Variants in ADGRB1 observed in about 807,000 individuals in gnomAD.
ADGRB1 encodes the protein adhesion G protein-coupled receptor B1.
A neutral mutation model predicts 175.7 loss-of-function variants in ADGRB1; 36 were observed. The observed-to-expected ratio is 0.20, with a 90% CI of 0.16 to 0.27. The LOEUF is 0.27. Among genes scored for constraint, ADGRB1 ranks in the 10% least tolerant of loss-of-function variants. ADGRB1 has a pLI of 1.00. For synonymous variants in ADGRB1, 1,054 were observed against 979.4 expected (o/e 1.08, Z -1.42); for missense variants, 1,731 against 2,255.3 (o/e 0.77, Z 4.71).
Position 142,476,713 on chromosome 8 carries a change from G to A in ADGRB1, c.1057+18G>A. On this transcript the variant is annotated intron_variant, in intron 4 of 30. Transcript: ENST00000517894. ...CCAGACCGGTGAGCTGGCGGGAGGG[G>A]GGTGGGTGGGACTAGGGCTTTGGGA... is the stretch of plus-strand genomic sequence containing the variant. 1 of 1,538,268 alleles carries A rather than the reference G, an allele frequency of 6.5e-7. No homozygotes were observed. Among genetic ancestry groups the A allele is most frequent in the Non-Finnish European group, 8.8e-7 (1 of 1,139,564 alleles).
In ADGRB1 at chr8:142,481,680, C is replaced by G. The variant is rs762095707; in HGVS notation, c.2099C>G (p.Ala700Gly). The stretch of plus-strand genomic sequence containing the variant: ...AACATGACAGAGATTTTCCGGAGAG[C>G]GTACTACAGCCCCACCCCTGGGGAC... ...LRNMTEIFRR[A>G]YYSPTPGDVQ... Residue 700 changes from alanine (A) to glycine (G), a missense_variant, in exon 11 of 31, where the codon GCG (alanine) becomes GGG (glycine). By Grantham distance (60) the Ala-to-Gly change is moderately conservative. This residue lies in a region of ADGRB1 where 388 missense variants were observed against 630.9 expected (regional missense o/e 0.61). Transcript: ENST00000517894. 6.3e-7 allele frequency: 1 copy of G among 1,596,714 alleles called. No individual in the cohort carries two copies. The highest frequency in any genetic ancestry group is 8.6e-7 in the Non-Finnish European group (1 of 1,169,386).
Position 142,537,051 on chromosome 8 carries a change from G to C in ADGRB1, c.3635G>C (p.Gly1212Ala), listed in dbSNP as rs767787622. Reference protein sequence around the residue: ...RQEEGNGDSGGSFQNGHAQLM... With the variant: ...RQEEGNGDSGASFQNGHAQLM... ...GAGGAGGGCAACGGGGACTCAGGGG[G>C]CTCCTTCCAGAACGGCCACGCCCAG... is the stretch of plus-strand genomic sequence containing the variant. The change falls in exon 26 of 31, where the codon GGC (glycine) becomes GCC (alanine). Residue 1212 changes from glycine to alanine, a missense_variant. Physicochemically the swap from Gly to Ala is moderately conservative, Grantham distance 60 (BLOSUM62 0). Coordinates refer to ENST00000517894, the MANE Select transcript of ADGRB1 (RefSeq NM_001702.3). This position sits in a 1 kb window ranked among gnomAD's most constrained non-coding sequence, Gnocchi z 4.6. 6.3e-6 allele frequency: 10 copies of C among 1,579,996 alleles called. No homozygotes were observed. The highest frequency in any genetic ancestry group is 8.6e-6 in the Non-Finnish European group (10 of 1,163,508).
chr8:142,538,131 C>T (rs1370633354), intron 26 of ADGRB1, among the ~76,000 whole-genome samples: 7 of 152,206 alleles, frequency 4.6e-5, no homozygotes, highest in Non-Finnish European at 2.9e-5. Context: ...TGCGCACTCC[C>T]GTGGGTCCCC....
intron 3 of ADGRB1, 63 bp downstream of exon 3, chr8:142,475,698 G>GC: frequency 5.0e-6 from 6 of 1,198,422 alleles, no homozygotes; most frequent in Non-Finnish European, 6.2e-6. Flanking sequence ...TGAGGGAGGA[G>GC]AGGGGGGTGG....
At chr8:142,463,603 CG>C (rs1840083729) in intron 1 of ADGRB1, among the ~76,000 whole-genome samples, 2 of 152,258 alleles carry the variant, frequency 1.3e-5, no homozygotes, top group Admixed American at 1.3e-4. Context: ...GGGGCAGCCA[CG>C]CAGAGCGTGG....
chr8:142,535,438 C>T (rs934658231), intron 25 of ADGRB1, among the ~76,000 whole-genome samples: 2 of 152,210 alleles, frequency 1.3e-5, no homozygotes, highest in African/African-American at 4.8e-5. Context: ...TGTGTGTGGG[C>T]TCCGTGCTGC....
intron 17 of ADGRB1, among the ~76,000 whole-genome samples, chr8:142,503,150 C>T (rs1026519805): frequency 6.6e-6 from 1 of 151,602 alleles, no homozygotes; most frequent in Admixed American, 6.6e-5. Context: ...GCCCAAGCCC[C>T]CTGAGGGAAG....
At chr8:142,527,998 A>G (rs1007380732) in intron 24 of ADGRB1, among the ~76,000 whole-genome samples, 2 of 152,208 alleles carry the variant, frequency 1.3e-5, no homozygotes, top group African/African-American at 4.8e-5. Context: ...CAGCTGCGTT[A>G]GGTGCACACA....
chr8:142,544,115 C>T, intron 30 of ADGRB1, 105 bp from the exon 31 acceptor site: 1 of 1,250,902 alleles, frequency 8.0e-7, no homozygotes. Flanking sequence ...CCCCCACCTC[C>T]CGTCCCTTCC....
chr8:142,539,504 C>A lies in ADGRB1; in HGVS notation c.3706+91C>A. 3 of 1,463,544 alleles carry A rather than the reference C, an allele frequency of 2.0e-6. No individual in the cohort carries two copies. The South Asian group carries it at 3.7e-5, about 18-fold the overall frequency. 90.7% of individuals were successfully genotyped at this position (1,463,544 alleles called of 1,614,324 possible). On this transcript the variant is annotated intron_variant, in intron 27 of 30. Transcript: ENST00000517894. ...CCGCCTGTGCCTCCCCCACATCACC[C>A]ATCCCTGTCCACTCCTGCTGCCCCC... is the stretch of plus-strand genomic sequence containing the variant.
intron 17 of ADGRB1, among the ~76,000 whole-genome samples, chr8:142,494,092 C>T (rs1023279099): frequency 1.3e-5 from 2 of 152,186 alleles, no homozygotes; most frequent in East Asian, 1.9e-4. Context: ...TGGTTTGTGG[C>T]GGGAGGGGAG....
chr8:142,467,183 G>T (rs1048318304), intron 2 of ADGRB1, among the ~76,000 whole-genome samples: 3 of 152,244 alleles, frequency 2.0e-5, no homozygotes, highest in African/African-American at 7.2e-5. Context: ...GTGTAAGGTG[G>T]TCGGGCCTCC....
Position 142,506,001 on chromosome 8 carries a change from G to C in ADGRB1, c.2676-4931G>C, listed in dbSNP as rs372278068. Among the ~76,000 whole-genome samples the C allele has an allele frequency of 1.4e-4, 22 of 152,316 alleles. No individual in the cohort carries two copies. The East Asian group carries it at 4.3e-3, about 29-fold the overall frequency. ...CATTCATTCACGCGCAGGCGTCCTG[G>C]CTGTGCGCCCTACCTTAGTGGCGCC... On this transcript the variant is annotated intron_variant, in intron 17 of 30. Transcript: ENST00000517894.
At position 142,477,507 on chromosome 8, in the gene ADGRB1, C is replaced by G. The variant is rs1256626623; in HGVS notation, c.1345C>G (p.Pro449Ala). 1 of 1,613,234 alleles carries G rather than the reference C, an allele frequency of 6.2e-7. No individual in the cohort carries two copies. The highest frequency in any genetic ancestry group is 1.7e-5 in the Admixed American group (1 of 60,020). ...PQFGGNPCEG[P>A]EKQTKFCNIA... ...GTTTGGGGGCAACCCCTGTGAGGGC[C>G]CTGAGAAGCAAACCAAGTTCTGCAA... The change falls in exon 6 of 31, where the codon CCT becomes GCT. Residue 449 changes from proline (P) to alanine (A), a missense_variant. Transcript: ENST00000517894.
chr8:142,464,588 C>T lies in ADGRB1; in HGVS notation c.390C>T (p.Ser130=), dbSNP rs769636077. 53 of 1,533,266 alleles carry T rather than the reference C, an allele frequency of 3.5e-5. No individual in the cohort carries two copies. The Middle Eastern group carries it at 5.0e-4, about 15-fold the overall frequency. The allele number at this position is 1,533,266 out of a possible 1,614,324, so 95.0% of individuals were successfully genotyped here. Residue 130 remains serine, a synonymous_variant, in exon 2 of 31, where the codon TCC becomes TCT. Transcript: ENST00000517894. The part of the protein sequence containing the change: ...FDEVLRLCDP[S]APLAFLQASK... Reference sequence around the variant, plus strand: ...AGGTGCTGCGGCTCTGCGACCCCTCCGCACCCCTGGCCTTCCTGCAGGCCA... The same window carrying T: ...AGGTGCTGCGGCTCTGCGACCCCTCTGCACCCCTGGCCTTCCTGCAGGCCA...
chr8:142,482,653 C>T (rs140223943), intron 11 of ADGRB1, among the ~76,000 whole-genome samples: 48 of 151,120 alleles, frequency 3.2e-4, no homozygotes, highest in East Asian at 9.8e-4. Context: ...CCTGGTCACA[C>T]GCTGAGCCTC....
At chr8:142,520,525 ATGG>A (rs1363900656) in intron 19 of ADGRB1, among the ~76,000 whole-genome samples, 2 of 37,920 alleles carry the variant, frequency 5.3e-5, no homozygotes, top group Non-Finnish European at 1.1e-4. Context: ...GGTGGTGGTG[ATGG>A]TGGTAGTGAT....
intron 19 of ADGRB1, among the ~76,000 whole-genome samples, chr8:142,520,152 ATGG>A (rs201413367): frequency 1.4e-4 from 9 of 63,368 alleles, no homozygotes; most frequent in Admixed American, 2.9e-4. Flanking sequence ...TGATGGTGTG[ATGG>A]TGGTGGTAGT....
At chr8:142,532,187 G>A (rs1414163523) in intron 24 of ADGRB1, among the ~76,000 whole-genome samples, 1 of 152,194 alleles carries the variant, frequency 6.6e-6, no homozygotes, top group Non-Finnish European at 1.5e-5. Context: ...CATTCCGGGT[G>A]GTGATGACAG....
Sources: allele counts gnomAD v4.1 joint callset (sites outside exome capture counted in the v4.1 genomes callset), GRCh38; gene constraint gnomAD v4.1.1; regional missense constraint gnomAD v4.1.1; non-coding constraint Gnocchi (gnomAD v3.1); transcripts MANE v1.5; gene names NCBI Gene and HGNC (gene_info 2026-07-23, HGNC 2026-07-21).